Variants in PIK3C2G observed in about 807,000 individuals in gnomAD.
PIK3C2G encodes the protein phosphatidylinositol-4-phosphate 3-kinase catalytic subunit type 2 gamma.
Under a neutral mutation model 181.1 loss-of-function variants are expected in PIK3C2G, and 168 were observed. That is an observed-to-expected ratio of 0.93 (90% confidence interval 0.82 to 1.05). PIK3C2G has a LOEUF of 1.05. Among genes scored for constraint, PIK3C2G ranks in the 50% least tolerant of loss-of-function variants. PIK3C2G has a pLI of 0.00. For missense variants in PIK3C2G, 1,869 were observed against 1,732.8 expected (o/e 1.08, Z -1.40); for synonymous variants, 573 against 592.2 (o/e 0.97, Z 0.47).
intron 11 of PIK3C2G, among the ~76,000 whole-genome samples, chr12:18,355,686 A>G (rs1940662860): frequency 1.3e-5 from 2 of 152,186 alleles, no homozygotes; most frequent in Non-Finnish European, 2.9e-5. Flanking sequence ...CAGGCACCCA[A>G]GCCTGGAGGG....
chr12:18,461,811 A>T (rs1398565262), intron 18 of PIK3C2G, among the ~76,000 whole-genome samples: 1 of 152,190 alleles, frequency 6.6e-6, no homozygotes, highest in Non-Finnish European at 1.5e-5. Context: ...AGAACTGTGA[A>T]AAACAAATTT....
chr12:18,688,133 G>A, the PIK3C2G span: 2 of 1,611,180 alleles, frequency 1.2e-6, no homozygotes, highest in Admixed American at 1.7e-5. Context: ...TTGATCATTT[G>A]GAACACCAAA....
chr12:18,604,061 A>C (rs1947880792), intron 30 of PIK3C2G, among the ~76,000 whole-genome samples: 1 of 152,218 alleles, frequency 6.6e-6, no homozygotes, highest in Non-Finnish European at 1.5e-5. Flanking sequence ...ACTAACATTG[A>C]AGGTAAATGG....
intron 24 of PIK3C2G, among the ~76,000 whole-genome samples, chr12:18,517,897 A>T (rs1232306303): frequency 6.6e-6 from 1 of 152,140 alleles, no homozygotes; most frequent in African/African-American, 2.4e-5. Context: ...TTATTTTGAG[A>T]TATGTTCCAT....
intron 18 of PIK3C2G, among the ~76,000 whole-genome samples, chr12:18,464,515 A>G (rs981702981): frequency 1.3e-5 from 2 of 152,110 alleles, no homozygotes; most frequent in Non-Finnish European, 2.9e-5. Flanking sequence ...GAGGCATCAA[A>G]ATAGGAACTT....
At chr12:18,291,494 A>AT (rs200698596) in intron 4 of PIK3C2G, among the ~76,000 whole-genome samples, 2,519 of 152,288 alleles carry the variant, frequency 0.017, 64 homozygotes, top group African/African-American at 0.057. Flanking sequence ...AAACCTACTG[A>AT]TTCAGTCTCT....
At chr12:18,438,357 T>C (rs1477952170) in intron 18 of PIK3C2G, among the ~76,000 whole-genome samples, 2 of 151,866 alleles carry the variant, frequency 1.3e-5, no homozygotes, top group South Asian at 2.1e-4. Context: ...AAAGGAATAC[T>C]AAGGTTTAAG....
At chr12:18,723,445 T>A in the PIK3C2G span, 14 of 1,612,972 alleles carry the variant, frequency 8.7e-6, no homozygotes, top group Non-Finnish European at 1.2e-5. Flanking sequence ...AGAATATGTG[T>A]TGAAAATCTC....
chr12:18,553,728 C>A (rs1436258755), intron 26 of PIK3C2G, among the ~76,000 whole-genome samples: 2 of 151,978 alleles, frequency 1.3e-5, no homozygotes, highest in Non-Finnish European at 2.9e-5. Flanking sequence ...TTATCCTTAC[C>A]TAATATCTCT....
chr12:18,296,524 A>G (rs1002331136), intron 5 of PIK3C2G, among the ~76,000 whole-genome samples: 4 of 152,128 alleles, frequency 2.6e-5, no homozygotes, highest in African/African-American at 9.7e-5. Context: ...TATAAAAACT[A>G]GCTCTAATCA....
rs527866649 is a variant in PIK3C2G at position 18,597,451 on chromosome 12, A to G, written c.4087+2882A>G. ...CATAAAAATAATAATATAAAGCATTAAAATAGACCTAAGAGAAAACTAATC... is the reference window on the plus strand; with the variant it reads ...CATAAAAATAATAATATAAAGCATTGAAATAGACCTAAGAGAAAACTAATC... On this transcript the variant is annotated intron_variant, in intron 30 of 32. Transcript: ENST00000538779. Among the ~76,000 whole-genome samples the G allele has an allele frequency of 9.9e-5, 15 of 152,268 alleles. No homozygotes were observed. In the South Asian group the frequency reaches 2.9e-3, roughly 29 times the overall value.
chr12:18,503,783 T>G (rs1299447312), intron 23 of PIK3C2G, among the ~76,000 whole-genome samples: 1 of 152,214 alleles, frequency 6.6e-6, no homozygotes. Flanking sequence ...CATTCCCCAC[T>G]TTTTCGTCTC....
intron 31 of PIK3C2G, among the ~76,000 whole-genome samples, chr12:18,616,061 A>G (rs1450794463): frequency 6.6e-6 from 1 of 151,976 alleles, no homozygotes; most frequent in Admixed American, 6.6e-5. Flanking sequence ...TTTACTGTTT[A>G]TATCCAATGT....
intron 15 of PIK3C2G, 28 bp downstream of exon 15, chr12:18,391,280 T>G (rs1451429575): frequency 1.3e-6 from 2 of 1,527,016 alleles, no homozygotes; most frequent in Admixed American, 4.2e-5. Context: ...TGTGAATGAA[T>G]TTTTGCCTGC....
chr12:18,541,592 T>A (rs967839144), intron 25 of PIK3C2G, among the ~76,000 whole-genome samples: 1 of 151,934 alleles, frequency 6.6e-6, no homozygotes, highest in Non-Finnish European at 1.5e-5. Context: ...TCTGCTTTTC[T>A]GAGCATAACT....
At chr12:18,297,910 T>C (rs1333171942) in intron 5 of PIK3C2G, among the ~76,000 whole-genome samples, 2 of 151,560 alleles carry the variant, frequency 1.3e-5, no homozygotes, top group Admixed American at 1.3e-4. Context: ...CCACATTTTC[T>C]TTCTTTCTTC....
the PIK3C2G span, among the ~76,000 whole-genome samples, chr12:18,722,385 T>C: frequency 0.054 from 8,203 of 152,180 alleles, 537 homozygotes; most frequent in African/African-American, 0.15. Flanking sequence ...TACAGATAAA[T>C]ATTTGAATAA....
chr12:18,490,941 T>A (rs866045972), intron 19 of PIK3C2G, among the ~76,000 whole-genome samples: 2 of 152,224 alleles, frequency 1.3e-5, no homozygotes, highest in Non-Finnish European at 2.9e-5. Flanking sequence ...TATTTGTTCC[T>A]ACATATTATC....
At chr12:18,689,428 T>C in the PIK3C2G span, among the ~76,000 whole-genome samples, 1 of 152,188 alleles carries the variant, frequency 6.6e-6, no homozygotes, top group Non-Finnish European at 1.5e-5. Flanking sequence ...TCTTAAAACA[T>C]TATGAGATTC....
Sources: allele counts gnomAD v4.1 joint callset (sites outside exome capture counted in the v4.1 genomes callset), GRCh38; gene constraint gnomAD v4.1.1; transcripts MANE v1.5; gene names NCBI Gene and HGNC (gene_info 2026-07-23, HGNC 2026-07-21).